SERINC5: variants seen among roughly 807,000 people sequenced by gnomAD.
SERINC5 encodes chromosome 5 open reading frame 12.
Under a neutral mutation model 63.1 loss-of-function variants are expected in SERINC5, and 41 were observed. The ratio of observed to expected loss-of-function variants is 0.65; its 90% confidence interval spans 0.51 to 0.84. The LOEUF (loss-of-function observed/expected upper bound fraction) is 0.84. SERINC5 is among the 40% of genes least tolerant of loss of function. The pLI is 0.00. For missense variants in SERINC5, 523 were observed against 573.0 expected (o/e 0.91, Z 0.89); for synonymous variants, 222 against 215.2 (o/e 1.03, Z -0.28).
chr5:80,145,990 A>G lies in SERINC5; in HGVS notation c.1238+100T>C, dbSNP rs541182079. 63 of 1,305,206 alleles carry G rather than the reference A, an allele frequency of 4.8e-5. No individual in the cohort carries two copies. In the South Asian group the frequency reaches 7.0e-4, roughly 15 times the overall value. 80.9% of individuals were successfully genotyped at this position (1,305,206 alleles called of 1,614,324 possible). A position where few individuals can be genotyped will look rare whatever the true frequency, so the allele number is the denominator to read the frequency against. On this transcript the variant is annotated intron_variant, in intron 11 of 11. Coordinates refer to ENST00000507668, the MANE Select transcript of SERINC5 (RefSeq NM_001174072.3). ...GTGCCACTGCACTCCAGCCTGGGCA[A>G]CAGAGTGAGACTCCTTCTCAAACAA... is the stretch of plus-strand genomic sequence containing the variant.
Position 80,130,530 on chromosome 5 carries a change from G to A in SERINC5, c.1238+15560C>T, listed in dbSNP as rs368822342. 4.6e-5 allele frequency among the ~76,000 whole-genome samples: 7 copies of A among 152,232 alleles called. 1 individual carries two copies. The highest frequency in any genetic ancestry group is 4.1e-4 in the South Asian group (2 of 4,830). On this transcript the variant is annotated intron_variant, in intron 11 of 12. Coordinates refer to the SERINC5 transcript ENST00000509193. ...TGTAATTACATCTTCCCGGTTTGTC[G>A]TAACCTTGATATAATTTGTTTTAAG...
chr5:80,144,824 C>T lies in SERINC5; in HGVS notation c.1239-1014G>A, dbSNP rs527573394. 3.9e-5 allele frequency among the ~76,000 whole-genome samples: 6 copies of T among 152,274 alleles called. No homozygotes were observed. The East Asian group carries it at 1.2e-3, about 29-fold the overall frequency. Reference sequence around the variant, plus strand: ...CATAGAACCGTGTGGCACATAGGAGCCACTTGCACATCTGTTGAATGAATG... The same window carrying T: ...CATAGAACCGTGTGGCACATAGGAGTCACTTGCACATCTGTTGAATGAATG... On this transcript the variant is annotated intron_variant, in intron 11 of 11. Coordinates refer to ENST00000507668, the MANE Select transcript of SERINC5 (RefSeq NM_001174072.3).
At chr5:80,172,978 T>C (rs6888956) in intron 5 of SERINC5, among the ~76,000 whole-genome samples, 3,833 of 152,248 alleles carry the variant, frequency 0.025, 157 homozygotes, top group African/African-American at 0.086. Flanking sequence ...GGAGACCCAC[T>C]TGAAGGTCTA....
chr5:80,177,275 A>G, intron 4 of SERINC5, 40 bp downstream of exon 4: 1 of 1,460,940 alleles, frequency 6.8e-7, no homozygotes, highest in African/African-American at 1.4e-5. Flanking sequence ...AAAATGGGTA[A>G]AAACAAAATA....
intron 1 of SERINC5, among the ~76,000 whole-genome samples, chr5:80,245,790 T>C (rs1054446927): frequency 6.6e-6 from 1 of 151,752 alleles, no homozygotes; most frequent in Non-Finnish European, 1.5e-5. Context: ...AATTTTTGTA[T>C]TTTTAGTAGA....
chr5:80,173,262 G>A (rs1407831463), intron 5 of SERINC5, among the ~76,000 whole-genome samples: 2 of 146,836 alleles, frequency 1.4e-5, no homozygotes, highest in African/African-American at 5.4e-5. Context: ...AGGAAGGAAG[G>A]AAGGAAGGAA....
intron 2 of SERINC5, among the ~76,000 whole-genome samples, chr5:80,197,044 G>C (rs1224955532): frequency 6.6e-6 from 1 of 152,132 alleles, no homozygotes; most frequent in Non-Finnish European, 1.5e-5. Flanking sequence ...ACCTGAGTGT[G>C]AACCTTAAAA....
intron 11 of SERINC5, among the ~76,000 whole-genome samples, chr5:80,122,116 A>G (rs988943039): frequency 6.6e-6 from 1 of 151,492 alleles, no homozygotes; most frequent in Non-Finnish European, 1.5e-5. Context: ...TATGGTGTAA[A>G]TTGCAATCTC....
chr5:80,112,266 C>T (rs1744143921), intron 12 of SERINC5, among the ~76,000 whole-genome samples: 1 of 152,202 alleles, frequency 6.6e-6, no homozygotes, highest in African/African-American at 2.4e-5. Flanking sequence ...GGCAATTATT[C>T]TTTATTCTGT....
intron 11 of SERINC5, among the ~76,000 whole-genome samples, chr5:80,124,032 A>G (rs541894665): frequency 1.3e-5 from 2 of 152,326 alleles, no homozygotes; most frequent in Admixed American, 1.3e-4. Flanking sequence ...GATACTGAAT[A>G]TGCGGATGGC....
At chr5:80,116,096 C>A in intron 11 of SERINC5, 2 of 354,824 alleles carry the variant, frequency 5.6e-6, no homozygotes, top group South Asian at 4.3e-5. Context: ...TGAGGCAGGG[C>A]AGAAAGCCTC....
Position 80,166,395 on chromosome 5 carries a change from G to T in SERINC5, c.847C>A (p.Pro283Thr). 1 of 1,586,092 alleles carries T rather than the reference G, an allele frequency of 6.3e-7. No homozygotes were observed. Among genetic ancestry groups the T allele is most frequent in the Non-Finnish European group, 8.6e-7 (1 of 1,165,840 alleles). The change falls in exon 7 of 12, where the codon CCT (proline) becomes ACT (threonine). Residue 283 changes from proline (P) to threonine (T), a missense_variant. Coordinates refer to ENST00000507668, the MANE Select transcript of SERINC5 (RefSeq NM_001174072.3). Reference sequence around the variant, plus strand: ...CAGGCTGGCTTACCTACTTCTGCAGGTTTGCTGGACAGAGCTGAGAAGGTG... The same window carrying T: ...CAGGCTGGCTTACCTACTTCTGCAGTTTTGCTGGACAGAGCTGAGAAGGTG... ...YLTFSALSSK[P>T]AEVVLDEHGK... is the part of the protein sequence containing the mutation.
At chr5:80,227,281 T>C (rs971007752) in intron 1 of SERINC5, among the ~76,000 whole-genome samples, 1 of 151,872 alleles carries the variant, frequency 6.6e-6, no homozygotes, top group Admixed American at 6.6e-5. Flanking sequence ...AGAGAAAACA[T>C]AAAGGAAGAA....
At chr5:80,219,915 A>C (rs979636343) in intron 1 of SERINC5, among the ~76,000 whole-genome samples, 5 of 152,082 alleles carry the variant, frequency 3.3e-5, no homozygotes, top group African/African-American at 1.2e-4. Flanking sequence ...ACAGAGATAG[A>C]AGCAAGTCAC....
intron 2 of SERINC5, among the ~76,000 whole-genome samples, chr5:80,196,764 C>T (rs567780707): frequency 6.6e-6 from 1 of 151,938 alleles, no homozygotes; most frequent in Admixed American, 6.6e-5. Flanking sequence ...CATGGTGAAA[C>T]CCTGTCTCTA....
At chr5:80,230,806 T>TC (rs1751408119) in intron 1 of SERINC5, among the ~76,000 whole-genome samples, 1 of 152,106 alleles carries the variant, frequency 6.6e-6, no homozygotes, top group South Asian at 2.1e-4. Flanking sequence ...TCTCTCTCTC[T>TC]CTCTTTCCTT....
chr5:80,249,881 G>T (rs944195084), intron 1 of SERINC5, among the ~76,000 whole-genome samples: 1 of 152,024 alleles, frequency 6.6e-6, no homozygotes, highest in Admixed American at 6.6e-5. Context: ...GTTCTCTCTG[G>T]GTAATGATAT....
At chr5:80,240,814 A>G (rs1167472967) in intron 1 of SERINC5, among the ~76,000 whole-genome samples, 1 of 151,980 alleles carries the variant, frequency 6.6e-6, no homozygotes, top group Non-Finnish European at 1.5e-5. Context: ...CCGGGACTAC[A>G]GGTGCATGCC....
chr5:80,134,641 T>C (rs186826955), downstream of SERINC5, among the ~76,000 whole-genome samples: 12 of 152,340 alleles, frequency 7.9e-5, no homozygotes, highest in African/African-American at 1.7e-4. Context: ...ATCTCTTTCA[T>C]TGTCATAATC....
Sources: allele counts gnomAD v4.1 joint callset (sites outside exome capture counted in the v4.1 genomes callset), GRCh38; gene constraint gnomAD v4.1.1; transcripts MANE v1.5; gene names NCBI Gene and HGNC (gene_info 2026-07-23, HGNC 2026-07-21).